Variants in CDH18 observed in about 807,000 individuals in gnomAD.
The protein encoded by CDH18 is cadherin 18.
A neutral mutation model predicts 67.9 loss-of-function variants in CDH18; 31 were observed. The ratio of observed to expected loss-of-function variants is 0.46; its 90% CI spans 0.34 to 0.62. The LOEUF (loss-of-function observed/expected upper bound fraction) is 0.62, where lower values mean the gene tolerates loss of function less well. CDH18 is among the 20% of genes least tolerant of loss of function. The probability of loss-of-function intolerance (pLI) is 0.01; values close to 1 mark genes in which losing one functional copy is unlikely to be tolerated. For missense variants in CDH18, 890 were observed against 975.5 expected (o/e 0.91, Z 1.17); for synonymous variants, 362 against 347.2 (o/e 1.04, Z -0.48).
chr5:20,236,392 C>T (rs1742477586), intron 2 of CDH18, among the ~76,000 whole-genome samples: 1 of 151,558 alleles, frequency 6.6e-6, no homozygotes, highest in Non-Finnish European at 1.5e-5. Flanking sequence ...ACCAAGAATC[C>T]TATACCCAGA....
intron 2 of CDH18, among the ~76,000 whole-genome samples, chr5:19,901,273 TGAA>T (rs1000786437): frequency 2.0e-4 from 30 of 152,096 alleles, no homozygotes; most frequent in African/African-American, 6.5e-4. Context: ...ATAATTTTAG[TGAA>T]GAATAAACTT....
chr5:20,437,925 T>C (rs1189078588), intron 1 of CDH18, among the ~76,000 whole-genome samples: 1 of 151,356 alleles, frequency 6.6e-6, no homozygotes, highest in Non-Finnish European at 1.5e-5. Context: ...TGCTTAAGGA[T>C]GTTATGCTTT....
At chr5:19,688,131 G>C (rs1213423036) in intron 5 of CDH18, among the ~76,000 whole-genome samples, 1 of 152,022 alleles carries the variant, frequency 6.6e-6, no homozygotes, top group Non-Finnish European at 1.5e-5. Flanking sequence ...CACCATTACT[G>C]CCATCACTCA....
At chr5:19,766,077 C>T (rs1322033301) in intron 3 of CDH18, among the ~76,000 whole-genome samples, 1 of 152,090 alleles carries the variant, frequency 6.6e-6, no homozygotes, top group Non-Finnish European at 1.5e-5. Context: ...CAGGGTTTCA[C>T]CATGTTGGTC....
chr5:19,885,546 G>A (rs975145181), intron 2 of CDH18, among the ~76,000 whole-genome samples: 7 of 152,086 alleles, frequency 4.6e-5, no homozygotes, highest in African/African-American at 1.7e-4. Context: ...CTGTACTTAA[G>A]AGCAAGAGAT....
intron 2 of CDH18, among the ~76,000 whole-genome samples, chr5:20,200,405 G>T (rs1031759728): frequency 1.3e-5 from 2 of 152,110 alleles, no homozygotes; most frequent in African/African-American, 4.8e-5. Context: ...TGGGTGTCGT[G>T]GCTCACACCT....
chr5:20,357,321 A>T lies in CDH18; in HGVS notation c.-579-101816T>A, dbSNP rs570722425. Among the ~76,000 whole-genome samples the T allele has an allele frequency of 1.1e-4, 16 of 152,268 alleles. No individual in the cohort carries two copies. In the South Asian group the frequency reaches 3.3e-3, roughly 32 times the overall value. On this transcript the variant is annotated intron_variant, in intron 1 of 14. Coordinates refer to the CDH18 transcript ENST00000507958. ...ATGTATGCAAAATGCTAAAATTGCA[A>T]TTGTCACTAGTTTGAAAATTAGCTA...
chr5:20,433,642 T>C (rs1472124053), intron 1 of CDH18, among the ~76,000 whole-genome samples: 1 of 151,974 alleles, frequency 6.6e-6, no homozygotes, highest in Admixed American at 6.6e-5. Context: ...AGGTTTCAGA[T>C]GGAAAAGGCA....
At chr5:20,508,997 G>T in intron 1 of CDH18, among the ~76,000 whole-genome samples, 1 of 152,124 alleles carries the variant, frequency 6.6e-6, no homozygotes, top group Non-Finnish European at 1.5e-5. Context: ...TATTTATTGT[G>T]TAAGACATAA....
intron 11 of CDH18, among the ~76,000 whole-genome samples, chr5:19,499,135 T>A (rs981035071): frequency 6.6e-6 from 1 of 152,228 alleles, no homozygotes; most frequent in Non-Finnish European, 1.5e-5. Context: ...CATGCTAAAC[T>A]TGTTTTAGTG....
At chr5:20,089,902 G>T (rs769988924) in intron 2 of CDH18, among the ~76,000 whole-genome samples, 1 of 151,932 alleles carries the variant, frequency 6.6e-6, no homozygotes, top group Non-Finnish European at 1.5e-5. Flanking sequence ...TCATTAACAG[G>T]TATCATTTTT....
intron 9 of CDH18, among the ~76,000 whole-genome samples, chr5:19,531,715 TG>T: frequency 6.6e-6 from 1 of 152,168 alleles, no homozygotes; most frequent in African/African-American, 2.4e-5. Flanking sequence ...GTGGATCAGC[TG>T]AGATCAGGAG....
At chr5:19,621,947 G>A (rs1580543181) in intron 5 of CDH18, among the ~76,000 whole-genome samples, 1 of 152,258 alleles carries the variant, frequency 6.6e-6, no homozygotes, top group East Asian at 1.9e-4. Flanking sequence ...CAGAGTTGAT[G>A]GAGCATATAG....
intron 11 of CDH18, among the ~76,000 whole-genome samples, chr5:19,486,254 T>C (rs1484199186): frequency 6.6e-5 from 10 of 150,716 alleles, no homozygotes; most frequent in Non-Finnish European, 1.3e-4. Context: ...TTTTGAACAC[T>C]GAGGAAGAAT....
At chr5:20,343,391 C>A (rs1280665364) in intron 1 of CDH18, among the ~76,000 whole-genome samples, 1 of 152,074 alleles carries the variant, frequency 6.6e-6, no homozygotes, top group African/African-American at 2.4e-5. Flanking sequence ...CAGACTTGAG[C>A]CAGTTTACAG....
chr5:20,063,410 T>C (rs1218762263), intron 2 of CDH18, among the ~76,000 whole-genome samples: 2 of 152,150 alleles, frequency 1.3e-5, no homozygotes, highest in Non-Finnish European at 2.9e-5. Flanking sequence ...TTGTAGGTCT[T>C]CACTGTGTAT....
At position 20,541,276 on chromosome 5, in the gene CDH18, T is replaced by G. The variant is rs919074730; in HGVS notation, c.-580+34186A>C. Among the ~76,000 whole-genome samples, 7 of 152,292 alleles carry G rather than the reference T, an allele frequency of 4.6e-5. No homozygotes were observed. The East Asian group carries it at 1.4e-3, about 29-fold the overall frequency. The stretch of plus-strand genomic sequence containing the variant: ...AATGTCTCTGCCTACTTAGAAAGCT[T>G]TTTTGTTTGTTTCAGACACAGTCTA... On this transcript the variant is annotated intron_variant, in intron 1 of 14. Transcript: ENST00000507958.
chr5:20,465,996 T>C (rs1751609507), intron 1 of CDH18, among the ~76,000 whole-genome samples: 4 of 152,044 alleles, frequency 2.6e-5, no homozygotes. Flanking sequence ...TTTTAATCTG[T>C]AATTGTAGTT....
intron 1 of CDH18, among the ~76,000 whole-genome samples, chr5:20,417,633 T>C (rs1299235041): frequency 6.6e-6 from 1 of 152,174 alleles, no homozygotes; most frequent in South Asian, 2.1e-4. Context: ...TTTGGTCCTA[T>C]GAAAAAACTC....
Sources: gnomAD v4.1 joint callset for allele counts (sites outside exome capture counted in the v4.1 genomes callset) on GRCh38, gnomAD v4.1.1 for gene constraint, MANE v1.5 for transcripts, NCBI Gene and HGNC (gene_info 2026-07-23, HGNC 2026-07-21) for gene names.